The following PRKAG2 variants were observed in gnomAD, a reference collection of about 807,000 sequenced individuals.
PRKAG2 encodes the protein protein kinase AMP-activated non-catalytic subunit gamma 2.
A neutral mutation model predicts 69.6 loss-of-function variants in PRKAG2; 26 were observed. That is an observed-to-expected ratio of 0.37 (90% CI 0.27 to 0.52). The LOEUF (loss-of-function observed/expected upper bound fraction) is 0.52. Ranked by LOEUF, PRKAG2 falls within the 20% of genes least tolerant of loss-of-function variation. PRKAG2 has a pLI of 0.90. For missense variants in PRKAG2, 557 were observed against 740.0 expected (o/e 0.75, Z 2.87); for synonymous variants, 293 against 285.0 (o/e 1.03, Z -0.28).
intron 3 of PRKAG2, among the ~76,000 whole-genome samples, chr7:151,691,023 C>T (rs10266158): frequency 0.026 from 3,952 of 152,170 alleles, 162 homozygotes; most frequent in African/African-American, 0.089. Context: ...CTTTAAAATA[C>T]GCCGTTAAGA....
intron 3 of PRKAG2, among the ~76,000 whole-genome samples, chr7:151,734,022 C>T (rs1036974116): frequency 2.0e-5 from 3 of 152,122 alleles, no homozygotes; most frequent in Non-Finnish European, 2.9e-5. Flanking sequence ...GATCCCCCAA[C>T]CTTAGCCTCC....
intron 3 of PRKAG2, among the ~76,000 whole-genome samples, chr7:151,744,586 C>T (rs2074146124): frequency 6.6e-6 from 1 of 152,232 alleles, no homozygotes; most frequent in Admixed American, 6.5e-5. Context: ...AGACCCCAAG[C>T]TTTCCGTCTC....
intron 1 of PRKAG2, among the ~76,000 whole-genome samples, chr7:151,789,740 G>A (rs531022060): frequency 6.6e-6 from 1 of 152,342 alleles, no homozygotes; most frequent in African/African-American, 2.4e-5. Flanking sequence ...CATGGGTAGA[G>A]TGCACTGGCC....
chr7:151,801,494 G>T (rs1221747528), intron 1 of PRKAG2, among the ~76,000 whole-genome samples: 2 of 152,334 alleles, frequency 1.3e-5, no homozygotes, highest in East Asian at 3.9e-4. Flanking sequence ...GCACCAGGCA[G>T]CCTCAGAATG....
chr7:151,797,058 C>G (rs2077581351), intron 1 of PRKAG2, among the ~76,000 whole-genome samples: 1 of 152,198 alleles, frequency 6.6e-6, no homozygotes, highest in African/African-American at 2.4e-5. Context: ...CCACACCCGG[C>G]CCGGCCAGCC....
In PRKAG2 at chr7:151,814,356, A is replaced by G. The variant is rs1298269808; in HGVS notation, c.115-27815T>C. 1.7e-6 allele frequency: 2 copies of G among 1,143,414 alleles called. No homozygotes were observed. The highest frequency in any genetic ancestry group is 2.2e-6 in the Non-Finnish European group (2 of 917,550). The allele number at this position is 1,143,414 out of a possible 1,614,324, so 70.8% of individuals were successfully genotyped here. A position where few individuals can be genotyped will look rare whatever the true frequency, so the allele number is the denominator to read the frequency against. On this transcript the variant is annotated intron_variant, in intron 1 of 15. Coordinates refer to ENST00000287878, the MANE Select transcript of PRKAG2 (RefSeq NM_016203.4). This position sits in a 1 kb window ranked among gnomAD's most constrained non-coding sequence, Gnocchi z 4.8. ...AAAGCATCGTGAGGGGGAAAACCGC[A>G]CACCCAGGGACGCACAATCACTATG...
intron 4 of PRKAG2, among the ~76,000 whole-genome samples, chr7:151,673,630 C>T (rs1439437851): frequency 6.6e-6 from 1 of 152,074 alleles, no homozygotes; most frequent in Admixed American, 6.6e-5. Flanking sequence ...ACTGAATGAA[C>T]AAGAATAGGA....
intron 1 of PRKAG2, among the ~76,000 whole-genome samples, chr7:151,821,929 G>A (rs2078793024): frequency 6.6e-6 from 1 of 152,142 alleles, no homozygotes; most frequent in Non-Finnish European, 1.5e-5. Flanking sequence ...ATACACACAC[G>A]CGCACATATG....
intron 3 of PRKAG2, among the ~76,000 whole-genome samples, chr7:151,698,979 A>C (rs1302717692): frequency 1.3e-5 from 2 of 152,138 alleles, no homozygotes; most frequent in African/African-American, 4.8e-5. Flanking sequence ...AAGGTCCTGA[A>C]ATCAGGTAAC....
chr7:151,601,609 T>G (rs1296376582), intron 5 of PRKAG2, among the ~76,000 whole-genome samples: 5 of 152,152 alleles, frequency 3.3e-5, no homozygotes, highest in African/African-American at 1.2e-4. Flanking sequence ...CTCAGAACTG[T>G]CTCGTGGGAG....
chr7:151,781,982 A>T lies in PRKAG2; in HGVS notation c.187-551T>A, dbSNP rs966764045. On this transcript the variant is annotated intron_variant, in intron 2 of 15. Coordinates refer to ENST00000287878, the MANE Select transcript of PRKAG2 (RefSeq NM_016203.4). This position sits in a 1 kb window ranked among gnomAD's most constrained non-coding sequence, Gnocchi z 6.1. ...CCAACAGAAGTCAGGAGAAAAGTTCACAAAGCCAGCCGGGTACGGTGACTC... is the reference window on the plus strand; with the variant it reads ...CCAACAGAAGTCAGGAGAAAAGTTCTCAAAGCCAGCCGGGTACGGTGACTC... Among the ~76,000 whole-genome samples the T allele has an allele frequency of 6.6e-6, 1 of 152,130 alleles. No homozygotes were observed. The highest frequency in any genetic ancestry group is 2.4e-5 in the African/African-American group (1 of 41,424).
intron 3 of PRKAG2, among the ~76,000 whole-genome samples, chr7:151,757,751 A>G (rs1350664803): frequency 6.6e-6 from 1 of 152,126 alleles, no homozygotes; most frequent in Non-Finnish European, 1.5e-5. Flanking sequence ...GTGTTTTCCA[A>G]ACTGCAACCA....
Position 151,576,413 on chromosome 7 carries a change from G to T in PRKAG2, c.904C>A (p.Arg302=), listed in dbSNP as rs1808936258. The T allele has an allele frequency of 1.2e-6, 2 of 1,611,316 alleles. No individual in the cohort carries two copies. The highest frequency in any genetic ancestry group is 4.5e-5 in the East Asian group (2 of 44,864). The change falls in exon 7 of 16, where the codon CGA becomes AGA. Residue 302 remains arginine (R), a synonymous_variant. Transcript: ENST00000287878. ...TTACTCTCCCACAGTGGCGCTGCTC[G>T]GACACCGTTGGCTACCAAAGCAAAG... ...AFFALVANGV[R]AAPLWESKKQ... is the part of the protein sequence containing the mutation.
chr7:151,589,183 C>G (rs1207842661), intron 6 of PRKAG2, among the ~76,000 whole-genome samples: 1 of 152,252 alleles, frequency 6.6e-6, no homozygotes, highest in Admixed American at 6.5e-5. Flanking sequence ...CACCCAGGCA[C>G]TGCCTTACCT....
intron 5 of PRKAG2, among the ~76,000 whole-genome samples, chr7:151,602,913 C>A (rs972986562): frequency 5.3e-5 from 8 of 152,214 alleles, no homozygotes; most frequent in Non-Finnish European, 7.3e-5. Context: ...TCCCGTTCAG[C>A]CATGATTGTA....
chr7:151,688,881 G>C (rs1835187250), intron 3 of PRKAG2, among the ~76,000 whole-genome samples: 1 of 152,058 alleles, frequency 6.6e-6, no homozygotes, highest in Non-Finnish European at 1.5e-5. Flanking sequence ...GTATTCCGAG[G>C]GGTCTCAAAA....
intron 5 of PRKAG2, among the ~76,000 whole-genome samples, chr7:151,625,180 T>C (rs2536058): frequency 0.83 from 125,923 of 152,158 alleles, 52,467 homozygotes; most frequent in Middle Eastern, 0.89. Flanking sequence ...ATGGGAAGTC[T>C]TCATCGGGGC....
In PRKAG2 at chr7:151,814,524, C is replaced by T; in HGVS notation, c.115-27983G>A. The T allele has an allele frequency of 2.4e-6, 3 of 1,231,372 alleles. No homozygotes were observed. Among genetic ancestry groups the T allele is most frequent in the Non-Finnish European group, 3.0e-6 (3 of 987,986 alleles). 76.3% of individuals were successfully genotyped at this position (1,231,372 alleles called of 1,614,324 possible). A position where few individuals can be genotyped will look rare whatever the true frequency, so the allele number is the denominator to read the frequency against. On this transcript the variant is annotated intron_variant, in intron 1 of 15. Coordinates refer to ENST00000287878, the MANE Select transcript of PRKAG2 (RefSeq NM_016203.4). The surrounding 1 kb of genome is among the most constrained non-coding windows in gnomAD (Gnocchi z 4.8). The stretch of plus-strand genomic sequence containing the variant: ...GAGTGACGGGGACGGGCGGCACTCC[C>T]AGCTCTGACAAATCCTGCTGCCTCA...
chr7:151,646,906 C>A (rs1028824135), intron 4 of PRKAG2, among the ~76,000 whole-genome samples: 7 of 152,214 alleles, frequency 4.6e-5, no homozygotes, highest in Admixed American at 2.6e-4. Flanking sequence ...GGAGCGGGTA[C>A]TCATGGCTGC....
Sources: gnomAD v4.1 joint callset for allele counts (sites outside exome capture counted in the v4.1 genomes callset) on GRCh38, gnomAD v4.1.1 for gene constraint, Gnocchi (gnomAD v3.1) non-coding constraint, MANE v1.5 for transcripts, NCBI Gene and HGNC (gene_info 2026-07-23, HGNC 2026-07-21) for gene names.